RAP1GDS1: variants seen among roughly 807,000 people sequenced by gnomAD.
RAP1GDS1 encodes Rap1 GTPase-GDP dissociation stimulator 1, also known as RAP1, GTP-GDP dissociation stimulator 1.
In RAP1GDS1, 35 loss-of-function variants were observed where a neutral mutation model predicts 71.1. The observed-to-expected ratio is 0.49, with a 90% CI of 0.38 to 0.65. The LOEUF (loss-of-function observed/expected upper bound fraction) is 0.65, where lower values mean the gene tolerates loss of function less well. Among genes scored for constraint, RAP1GDS1 ranks in the 30% least tolerant of loss-of-function variants. RAP1GDS1 has a pLI of 0.00. For missense variants in RAP1GDS1, 663 were observed against 706.1 expected, an observed-to-expected ratio of 0.94 and a Z score of 0.69; for synonymous variants, 229 against 243.1, an observed-to-expected ratio of 0.94 and a Z score of 0.54.
intron 10 of RAP1GDS1, among the ~76,000 whole-genome samples, chr4:98,419,628 A>G (rs1169264725): frequency 6.6e-6 from 1 of 152,324 alleles, no homozygotes; most frequent in East Asian, 1.9e-4. Context: ...TTTGGTTTAC[A>G]TAGGATAGTA....
At chr4:98,367,310 C>T (rs541106689) in intron 4 of RAP1GDS1, among the ~76,000 whole-genome samples, 6 of 152,316 alleles carry the variant, frequency 3.9e-5, no homozygotes, top group African/African-American at 1.4e-4. Flanking sequence ...TGGGAACCTC[C>T]ACCTACATTG....
At chr4:98,306,260 T>C (rs1729311825) in intron 2 of RAP1GDS1, among the ~76,000 whole-genome samples, 1 of 152,306 alleles carries the variant, frequency 6.6e-6, no homozygotes, top group South Asian at 2.1e-4. Flanking sequence ...CTCCCTGTTA[T>C]GGAGGCTGAG....
At chr4:98,412,752 A>T (rs1465246832) in intron 7 of RAP1GDS1, among the ~76,000 whole-genome samples, 1 of 152,126 alleles carries the variant, frequency 6.6e-6, no homozygotes, top group Admixed American at 6.5e-5. Flanking sequence ...GGAATTCTAC[A>T]GCTGGGCCTC....
chr4:98,352,313 G>A (rs1737327829), intron 3 of RAP1GDS1, among the ~76,000 whole-genome samples, 163 bp from the exon 4 acceptor site: 1 of 152,080 alleles, frequency 6.6e-6, no homozygotes, highest in Non-Finnish European at 1.5e-5. Flanking sequence ...GGCTGTAACA[G>A]GGTACTTTTG....
chr4:98,380,945 C>A (rs535340483), intron 5 of RAP1GDS1, among the ~76,000 whole-genome samples: 24 of 151,710 alleles, frequency 1.6e-4, no homozygotes, highest in African/African-American at 5.3e-4. Flanking sequence ...GATGGCTGGT[C>A]TTCAAAAGCA....
intron 3 of RAP1GDS1, 114 bp downstream of exon 3, chr4:98,343,375 T>G: frequency 1.5e-6 from 2 of 1,301,768 alleles, no homozygotes; most frequent in Non-Finnish European, 1.1e-6. Flanking sequence ...ATTTTTTATT[T>G]CTATTTATCT....
chr4:98,424,509 CCCAGTACTTTGGGAGG>C (rs1280221491), intron 12 of RAP1GDS1, among the ~76,000 whole-genome samples: 1 of 152,174 alleles, frequency 6.6e-6, no homozygotes, highest in Non-Finnish European at 1.5e-5. Flanking sequence ...CGCCTGTAAT[CCCAGTACTTTGGGAGG>C]CCAAGGTAGG....
intron 1 of RAP1GDS1, among the ~76,000 whole-genome samples, chr4:98,279,834 C>T (rs1389377238): frequency 6.6e-6 from 1 of 152,136 alleles, no homozygotes; most frequent in Non-Finnish European, 1.5e-5. Context: ...GTTCAGTTCC[C>T]ACCTATGAGT....
intron 2 of RAP1GDS1, among the ~76,000 whole-genome samples, chr4:98,323,708 G>A (rs1732399191): frequency 6.9e-6 from 1 of 145,790 alleles, no homozygotes; most frequent in African/African-American, 2.6e-5. Context: ...AAAAGCCTTT[G>A]ACAAAATTCA....
At chr4:98,350,568 G>C (rs944166356) in intron 3 of RAP1GDS1, among the ~76,000 whole-genome samples, 34 of 152,250 alleles carry the variant, frequency 2.2e-4, no homozygotes, top group African/African-American at 7.9e-4. Context: ...GGCCGGGCGT[G>C]GTGGCTCACG....
chr4:98,347,655 G>A (rs897266164), intron 3 of RAP1GDS1, among the ~76,000 whole-genome samples: 1 of 152,136 alleles, frequency 6.6e-6, no homozygotes, highest in Non-Finnish European at 1.5e-5. Flanking sequence ...ATGTATCTTG[G>A]TTTCAGCCTC....
chr4:98,326,876 G>A (rs1733182090), intron 2 of RAP1GDS1, among the ~76,000 whole-genome samples: 1 of 152,144 alleles, frequency 6.6e-6, no homozygotes, highest in Non-Finnish European at 1.5e-5. Flanking sequence ...TGAATTGTGT[G>A]GTGTGTGCCT....
chr4:98,335,720 A>G (rs553713088), intron 2 of RAP1GDS1, among the ~76,000 whole-genome samples: 2 of 151,554 alleles, frequency 1.3e-5, no homozygotes, highest in African/African-American at 4.8e-5. Context: ...GTCTTTTAAG[A>G]TGATACTGTG....
At chr4:98,370,703 T>C (rs898858351) in intron 4 of RAP1GDS1, among the ~76,000 whole-genome samples, 5 of 152,000 alleles carry the variant, frequency 3.3e-5, no homozygotes, top group African/African-American at 1.2e-4. Context: ...CCCGAGTAGC[T>C]GGGACTACAG....
intron 2 of RAP1GDS1, among the ~76,000 whole-genome samples, chr4:98,342,007 G>A (rs1027411889): frequency 6.6e-6 from 1 of 151,932 alleles, no homozygotes; most frequent in African/African-American, 2.4e-5. Flanking sequence ...CTTCTTTTTT[G>A]TTGTAGATGT....
At chr4:98,413,827 G>T (rs1747476234) in intron 7 of RAP1GDS1, among the ~76,000 whole-genome samples, 1 of 152,008 alleles carries the variant, frequency 6.6e-6, no homozygotes, top group South Asian at 2.1e-4. Flanking sequence ...CTAGTTTACA[G>T]TCCCACCAAC....
intron 2 of RAP1GDS1, chr4:98,296,805 G>T: frequency 4.0e-6 from 1 of 249,718 alleles, no homozygotes; most frequent in Non-Finnish European, 7.9e-6. Context: ...GGAGAATGTG[G>T]CATCTAAATC....
At chr4:98,363,634 G>A (rs1739081366) in intron 4 of RAP1GDS1, among the ~76,000 whole-genome samples, 1 of 152,116 alleles carries the variant, frequency 6.6e-6, no homozygotes, top group South Asian at 2.1e-4. Flanking sequence ...CAAAAGTGTT[G>A]ATGATAGAAA....
At chr4:98,434,212 T>C (rs979976526) in intron 13 of RAP1GDS1, 150 bp downstream of exon 13, 1 of 971,760 alleles carries the variant, frequency 1.0e-6, no homozygotes. Flanking sequence ...AATCATTCTA[T>C]ATAGATTGTT....
Sources: allele counts gnomAD v4.1 joint callset (sites outside exome capture counted in the v4.1 genomes callset), GRCh38; gene constraint gnomAD v4.1.1; transcripts MANE v1.5; gene names NCBI Gene and HGNC (gene_info 2026-07-23, HGNC 2026-07-21).